CABCOCO1: variants seen among roughly 807,000 people sequenced by gnomAD.
CABCOCO1 encodes the protein ciliary-associated calcium-binding coiled-coil protein 1.
Under a neutral mutation model 35.7 loss-of-function variants are expected in CABCOCO1, and 28 were observed. That is an observed-to-expected ratio of 0.78 (90% CI 0.58 to 1.07). CABCOCO1 has a LOEUF of 1.07. Among genes scored for constraint, CABCOCO1 ranks in the 50% least tolerant of loss-of-function variants. CABCOCO1 has a pLI of 0.00. For synonymous variants in CABCOCO1, 95 were observed against 100.1 expected, an observed-to-expected ratio of 0.95 and a Z score of 0.30; for missense variants, 326 against 309.2, an observed-to-expected ratio of 1.05 and a Z score of -0.41.
chr10:61,752,554 C>T (rs540554925), intron 5 of CABCOCO1, among the ~76,000 whole-genome samples: 106 of 152,068 alleles, frequency 7.0e-4, no homozygotes, highest in Non-Finnish European at 1.3e-3. Context: ...AAAATTAAGG[C>T]TGAGGTTGAC....
intron 1 of CABCOCO1, among the ~76,000 whole-genome samples, chr10:61,668,884 C>T (rs1252038148): frequency 6.6e-6 from 1 of 151,502 alleles, no homozygotes; most frequent in Non-Finnish European, 1.5e-5. Context: ...ACCTAAAGCC[C>T]CCAAAAAACC....
intron 1 of CABCOCO1, among the ~76,000 whole-genome samples, chr10:61,664,420 T>G (rs915492655): frequency 1.3e-5 from 2 of 152,084 alleles, no homozygotes; most frequent in African/African-American, 4.8e-5. Context: ...ATACAAAATT[T>G]TTTAAAAGAT....
At chr10:61,724,471 T>C (rs1482570442) in intron 5 of CABCOCO1, among the ~76,000 whole-genome samples, 2 of 152,212 alleles carry the variant, frequency 1.3e-5, no homozygotes, top group Non-Finnish European at 2.9e-5. Context: ...GCTGTGAGCC[T>C]TTTCTTTATC....
At chr10:61,684,117 G>A (rs977236680) in intron 3 of CABCOCO1, among the ~76,000 whole-genome samples, 1 of 152,060 alleles carries the variant, frequency 6.6e-6, no homozygotes, top group Admixed American at 6.6e-5. Flanking sequence ...ATCATGGAGA[G>A]AGAAATGTAC....
Position 61,690,541 on chromosome 10 carries a change from T to C in CABCOCO1, c.480-8T>C. 6.3e-7 allele frequency: 1 copy of C among 1,577,680 alleles called. No individual in the cohort carries two copies. The highest frequency in any genetic ancestry group is 1.1e-5 in the South Asian group (1 of 87,770). ...CTTATCAGAGTGCACATTTATTTTATATTTCAGCTTATTTCAACACTACAA... is the reference window on the plus strand; with the variant it reads ...CTTATCAGAGTGCACATTTATTTTACATTTCAGCTTATTTCAACACTACAA... On this transcript the variant is annotated splice_region_variant and splice_polypyrimidine_tract_variant and intron_variant, in intron 4 of 7. Transcript: ENST00000648843.
chr10:61,666,105 T>A (rs904645080), intron 1 of CABCOCO1, among the ~76,000 whole-genome samples: 4 of 152,164 alleles, frequency 2.6e-5, no homozygotes, highest in Non-Finnish European at 5.9e-5. Context: ...TACATAATTT[T>A]GAGGGGTAAG....
At chr10:61,757,002 C>T (rs945321454) in intron 5 of CABCOCO1, among the ~76,000 whole-genome samples, 2 of 151,700 alleles carry the variant, frequency 1.3e-5, no homozygotes, top group African/African-American at 2.4e-5. Flanking sequence ...GAAATTATAA[C>T]GTTCTTTCAG....
intron 7 of CABCOCO1, 121 bp from the exon 8 acceptor site, chr10:61,765,818 C>A: frequency 1.2e-6 from 1 of 811,604 alleles, no homozygotes; most frequent in Non-Finnish European, 1.9e-6. Flanking sequence ...GTCTGCAAAA[C>A]AGGAAGGTGT....
At chr10:61,689,186 A>G (rs1349830603) in intron 4 of CABCOCO1, among the ~76,000 whole-genome samples, 1 of 152,176 alleles carries the variant, frequency 6.6e-6, no homozygotes, top group Non-Finnish European at 1.5e-5. Context: ...AAAATACTCT[A>G]TAGTCTTTAA....
intron 5 of CABCOCO1, among the ~76,000 whole-genome samples, chr10:61,718,089 G>C (rs1179046939): frequency 6.6e-6 from 1 of 152,124 alleles, no homozygotes; most frequent in Non-Finnish European, 1.5e-5. Context: ...CCCTGTCTGC[G>C]AGAGTATTTA....
At chr10:61,684,128 A>G (rs1839883484) in intron 3 of CABCOCO1, among the ~76,000 whole-genome samples, 1 of 152,188 alleles carries the variant, frequency 6.6e-6, no homozygotes, top group African/African-American at 2.4e-5. Flanking sequence ...AGAAATGTAC[A>G]ATAATAATTG....
At chr10:61,714,967 G>A (rs564521823) in intron 5 of CABCOCO1, among the ~76,000 whole-genome samples, 208 of 152,308 alleles carry the variant, frequency 1.4e-3, no homozygotes, top group African/African-American at 4.8e-3. Context: ...GTGATGTGGT[G>A]CTGAGAAGAA....
chr10:61,750,116 G>A (rs992707004), intron 5 of CABCOCO1, among the ~76,000 whole-genome samples: 1 of 152,072 alleles, frequency 6.6e-6, no homozygotes, highest in East Asian at 1.9e-4. Context: ...AAAGCAATGT[G>A]AATCATGGCC....
intron 2 of CABCOCO1, among the ~76,000 whole-genome samples, chr10:61,679,786 A>G (rs997575281): frequency 6.6e-6 from 1 of 152,204 alleles, no homozygotes; most frequent in Non-Finnish European, 1.5e-5. Context: ...AACCATGAGA[A>G]GACAAAAAAT....
At chr10:61,687,934 G>A (rs529026841) in intron 4 of CABCOCO1, among the ~76,000 whole-genome samples, 1 of 152,220 alleles carries the variant, frequency 6.6e-6, no homozygotes, top group African/African-American at 2.4e-5. Flanking sequence ...TGAGTCTGCA[G>A]TTGTATAAAA....
chr10:61,695,259 A>C (rs1466156600), intron 5 of CABCOCO1, among the ~76,000 whole-genome samples: 2 of 151,954 alleles, frequency 1.3e-5, no homozygotes, highest in African/African-American at 4.8e-5. Context: ...GTTAGTCCAT[A>C]ACTGAAGAGA....
At chr10:61,664,453 G>GA (rs139899765) in intron 1 of CABCOCO1, among the ~76,000 whole-genome samples, 16,021 of 151,698 alleles carry the variant, frequency 0.11, 990 homozygotes, top group Middle Eastern at 0.18. Context: ...TATGCTTCAG[G>GA]AAAAAAAATC....
In CABCOCO1 at chr10:61,681,329, C is replaced by G. The variant is rs1486330932; in HGVS notation, c.334+17C>G. ...ATCTTAAAAGTAAGTACACTATTTT[C>G]CTTTGAAGTAAAACAAATTTAATTT... On this transcript the variant is annotated intron_variant, in intron 3 of 7. Transcript: ENST00000648843. The G allele has an allele frequency of 2.0e-6, 3 of 1,487,802 alleles. No homozygotes were observed. Among genetic ancestry groups the G allele is most frequent in the South Asian group, 1.2e-5 (1 of 81,558 alleles). 92.2% of individuals were successfully genotyped at this position (1,487,802 alleles called of 1,614,324 possible). A position where few individuals can be genotyped will look rare whatever the true frequency, so the allele number is the denominator to read the frequency against.
chr10:61,757,837 C>A (rs189790798), intron 5 of CABCOCO1, among the ~76,000 whole-genome samples: 1 of 152,022 alleles, frequency 6.6e-6, no homozygotes, highest in East Asian at 1.9e-4. Flanking sequence ...GACACAAATA[C>A]CTGCTTACAT....
Sources: gnomAD v4.1 joint callset for allele counts (sites outside exome capture counted in the v4.1 genomes callset) on GRCh38, gnomAD v4.1.1 for gene constraint, MANE v1.5 for transcripts, NCBI Gene and HGNC (gene_info 2026-07-23, HGNC 2026-07-21) for gene names.